MAGI1: variants seen among roughly 807,000 people sequenced by gnomAD.
The protein encoded by MAGI1 is membrane-associated guanylate kinase, WW and PDZ domain-containing protein 1.
MAGI1 carries 58 observed loss-of-function variants against 139.9 expected under a neutral mutation model. That is an observed-to-expected ratio of 0.41 (90% CI 0.34 to 0.52). The LOEUF (loss-of-function observed/expected upper bound fraction) is 0.52. Ranked by LOEUF, MAGI1 falls within the 20% of genes least tolerant of loss-of-function variation. The probability of loss-of-function intolerance (pLI) is 0.12; values close to 1 mark genes in which losing one functional copy is unlikely to be tolerated. For missense variants in MAGI1, 1,874 were observed against 1,901.6 expected (o/e 0.99, Z 0.27); for synonymous variants, 812 against 737.9 (o/e 1.10, Z -1.63).
At chr3:65,587,439 A>G (rs1400777149) in intron 2 of MAGI1, among the ~76,000 whole-genome samples, 1 of 147,680 alleles carries the variant, frequency 6.8e-6, no homozygotes, top group Non-Finnish European at 1.5e-5. Flanking sequence ...CTGAATACAT[A>G]TGGCATTTCT....
chr3:65,639,359 C>G lies in MAGI1; in HGVS notation c.314-17271G>C, dbSNP rs1230059735. On this transcript the variant is annotated intron_variant, in intron 1 of 22. Transcript: ENST00000402939. ...ATCAATTTTTATGGTTATTTTTTCT[C>G]TATTATTAATTTACTACAGATGAGT... Among the ~76,000 whole-genome samples, 3 of 152,136 alleles carry G rather than the reference C, an allele frequency of 2.0e-5. No homozygotes were observed. In the South Asian group the frequency reaches 6.2e-4, roughly 32 times the overall value.
rs757119985 is a variant in MAGI1 at position 65,508,083 on chromosome 3, T to G, written c.431-14452A>C. On this transcript the variant is annotated intron_variant, in intron 2 of 22. Coordinates refer to ENST00000402939, the MANE Select transcript of MAGI1 (RefSeq NM_001033057.2). The stretch of plus-strand genomic sequence containing the variant: ...ATACTATATGAGGTATCAACGGTAT[T>G]ATCAGAAAAGTAGTGGCCAATTTTT... Among the ~76,000 whole-genome samples, 259 of 152,290 alleles carry G rather than the reference T, an allele frequency of 1.7e-3. 3 individuals are homozygous for G. The highest frequency in any genetic ancestry group is 1.7e-3 in the East Asian group (9 of 5,186).
At chr3:65,881,678 C>T (rs1027022922) in intron 1 of MAGI1, among the ~76,000 whole-genome samples, 6 of 151,970 alleles carry the variant, frequency 3.9e-5, no homozygotes, top group African/African-American at 1.4e-4. Context: ...GCTCATCACA[C>T]ATTTGTAAGC....
Position 65,713,623 on chromosome 3 carries a change from A to G in MAGI1, c.314-91535T>C, listed in dbSNP as rs909667377. 7.2e-5 allele frequency among the ~76,000 whole-genome samples: 11 copies of G among 152,250 alleles called. No individual in the cohort carries two copies. The East Asian group carries it at 1.7e-3, about 24-fold the overall frequency. The stretch of plus-strand genomic sequence containing the variant: ...GCAGAGATACATAATAGTTAAGCAC[A>G]AGGCTTAAGAGCCAAAGAGACCTCA... On this transcript the variant is annotated intron_variant, in intron 1 of 22. Coordinates refer to ENST00000402939, the MANE Select transcript of MAGI1 (RefSeq NM_001033057.2).
At chr3:65,748,920 G>C (rs185607832) in intron 1 of MAGI1, among the ~76,000 whole-genome samples, 1 of 152,276 alleles carries the variant, frequency 6.6e-6, no homozygotes, top group East Asian at 1.9e-4. Flanking sequence ...AGCAGCCCTG[G>C]GAAGGGGGAT....
At chr3:65,547,602 G>T (rs2079564784) in intron 2 of MAGI1, among the ~76,000 whole-genome samples, 1 of 152,134 alleles carries the variant, frequency 6.6e-6, no homozygotes, top group Admixed American at 6.5e-5. Context: ...GTTAAAAGCA[G>T]GAGCTCTGGA....
intron 2 of MAGI1, chr3:65,499,120 A>G (rs2076986773): frequency 1.3e-6 from 1 of 778,842 alleles, no homozygotes. Flanking sequence ...CAACTCCACG[A>G]TTTGTTTTAA....
intron 1 of MAGI1, chr3:65,873,021 T>G (rs1307155070): frequency 6.6e-6 from 1 of 152,184 alleles, no homozygotes; most frequent in Non-Finnish European, 1.5e-5. Flanking sequence ...GTCACGAAGT[T>G]GCACTTAATA....
intron 1 of MAGI1, among the ~76,000 whole-genome samples, chr3:65,659,105 G>T (rs2086046615): frequency 1.3e-5 from 2 of 151,972 alleles, no homozygotes. Context: ...TTTCACCAAG[G>T]TCACCCAGAT....
intron 1 of MAGI1, among the ~76,000 whole-genome samples, chr3:65,964,323 G>A (rs2064624569): frequency 6.6e-6 from 1 of 152,098 alleles, no homozygotes; most frequent in Non-Finnish European, 1.5e-5. Context: ...CCTCCCTACT[G>A]ATATCAAAAT....
chr3:65,974,322 G>C (rs192108961), intron 1 of MAGI1, among the ~76,000 whole-genome samples: 14 of 146,658 alleles, frequency 9.5e-5, no homozygotes, highest in Non-Finnish European at 1.6e-4. Flanking sequence ...AGAAGGGAGA[G>C]TGGGAGGGAA....
intron 2 of MAGI1, among the ~76,000 whole-genome samples, chr3:65,620,573 T>A (rs1000042189): frequency 6.6e-6 from 1 of 152,202 alleles, no homozygotes; most frequent in African/African-American, 2.4e-5. Flanking sequence ...GCCCTACCTA[T>A]GTGATTAGCA....
chr3:65,776,688 G>A (rs1293644666), intron 1 of MAGI1, among the ~76,000 whole-genome samples: 3 of 152,064 alleles, frequency 2.0e-5, no homozygotes, highest in African/African-American at 7.2e-5. Context: ...AACAGAAAAC[G>A]GTACTCCCCC....
chr3:65,546,151 T>C (rs989519643), intron 2 of MAGI1, among the ~76,000 whole-genome samples: 1 of 152,140 alleles, frequency 6.6e-6, no homozygotes, highest in African/African-American at 2.4e-5. Context: ...GGCCACTAAC[T>C]ATAGACCCTG....
intron 2 of MAGI1, among the ~76,000 whole-genome samples, chr3:65,570,488 G>C (rs1388136177): frequency 6.6e-6 from 1 of 151,812 alleles, no homozygotes; most frequent in Admixed American, 6.6e-5. Context: ...ATATAGCTTA[G>C]AAATTAAAAG....
intron 10 of MAGI1, among the ~76,000 whole-genome samples, chr3:65,431,708 G>C (rs1033105599): frequency 4.6e-5 from 7 of 151,942 alleles, no homozygotes. Context: ...AATTAGGCTG[G>C]GGGTGTGGTG....
chr3:65,855,489 C>G (rs1238484569), intron 1 of MAGI1, among the ~76,000 whole-genome samples: 1 of 145,636 alleles, frequency 6.9e-6, no homozygotes, highest in African/African-American at 2.6e-5. Flanking sequence ...GTAATCCTAA[C>G]TACTCAGAGA....
At chr3:65,988,026 G>A (rs1292674102) in intron 1 of MAGI1, among the ~76,000 whole-genome samples, 2 of 152,224 alleles carry the variant, frequency 1.3e-5, no homozygotes, top group Non-Finnish European at 2.9e-5. Flanking sequence ...ACGGGTTGAA[G>A]ATATAAGTGT....
intron 1 of MAGI1, among the ~76,000 whole-genome samples, chr3:65,654,407 G>A (rs1351532482): frequency 6.6e-6 from 1 of 152,198 alleles, no homozygotes; most frequent in Admixed American, 6.5e-5. Context: ...ATTAGTGCCT[G>A]TGTGCCGTTT....
Sources: gnomAD v4.1 joint callset for allele counts (sites outside exome capture counted in the v4.1 genomes callset) on GRCh38, gnomAD v4.1.1 for gene constraint, MANE v1.5 for transcripts, NCBI Gene and HGNC (gene_info 2026-07-23, HGNC 2026-07-21) for gene names.